CYB5RL: variants seen among roughly 807,000 people sequenced by gnomAD.
CYB5RL encodes NADH-cytochrome b5 reductase-like.
A neutral mutation model predicts 37.5 loss-of-function variants in CYB5RL; 38 were observed. The ratio of observed to expected loss-of-function variants is 1.01; its 90% CI spans 0.78 to 1.33. The LOEUF (loss-of-function observed/expected upper bound fraction) is 1.33, where lower values mean the gene tolerates loss of function less well. CYB5RL is among the 40% of genes most tolerant of loss of function. CYB5RL has a pLI of 0.00. For missense variants in CYB5RL, 388 were observed against 394.4 expected (o/e 0.98, Z 0.14); for synonymous variants, 141 against 151.9 (o/e 0.93, Z 0.53).
chr1:54,174,644 G>A lies in CYB5RL; in HGVS notation c.923C>T (p.Thr308Ile). The A allele has an allele frequency of 6.2e-7, 1 of 1,611,710 alleles. No homozygotes were observed. The change falls in exon 8 of 8, where the codon ACT becomes ATT. Residue 308 changes from threonine (T) to isoleucine (I), a missense_variant. Coordinates refer to ENST00000534324, the MANE Select transcript of CYB5RL (RefSeq NM_001031672.4). ...CTAGAAGAGGAAATAGGAGTCCTCA[G>A]TGAGGCCTGCGCACAGTAAGCACCT... ...IARCLLCAGL[T>I]EDSYFLF is the part of the protein sequence containing the mutation.
In CYB5RL at chr1:54,195,593, G is replaced by A. The variant is rs201932372; in HGVS notation, c.24C>T (p.Asp8=). 1.8e-4 allele frequency: 289 copies of A among 1,611,512 alleles called. No individual in the cohort carries two copies. The African/African-American group carries it at 3.4e-3, about 19-fold the overall frequency. Residue 8 remains aspartate, a synonymous_variant, in exon 3 of 8, where the codon GAC becomes GAT. Coordinates refer to ENST00000534324, the MANE Select transcript of CYB5RL (RefSeq NM_001031672.4). The stretch of plus-strand genomic sequence containing the variant: ...GCATCCAGGCTTCCTCAGTGTCGTC[G>A]TCCTCTTCCCTCTCAGCCATCATCA... MMAEREE[D]DDTEEAWMQL...
chr1:54,181,529 G>T (rs1364472633), intron 6 of CYB5RL, among the ~76,000 whole-genome samples: 1 of 152,264 alleles, frequency 6.6e-6, no homozygotes, highest in Non-Finnish European at 1.5e-5. Flanking sequence ...GGGCCCGGAA[G>T]AGGGCAGGAG....
At chr1:54,194,000 T>G (rs4927067) in intron 3 of CYB5RL, among the ~76,000 whole-genome samples, 148,278 of 148,712 alleles carry the variant, frequency 1, 73,924 homozygotes, top group Middle Eastern at 1. Context: ...GTGAGACTCT[T>G]CCTCAATAAT....
intron 5 of CYB5RL, among the ~76,000 whole-genome samples, chr1:54,186,441 T>C (rs1176171265): frequency 6.6e-6 from 1 of 152,224 alleles, no homozygotes; most frequent in Non-Finnish European, 1.5e-5. Context: ...GGTCAAACGA[T>C]AAGCCCTGCC....
In CYB5RL at chr1:54,170,008, C is replaced by T. The variant is rs1659854110; in HGVS notation, c.*4611G>A. ...TCACTTAGTTATTATGTTTTTAGGACTTCGTCTATATTGGTACATGCGGAT... is the reference window on the plus strand; with the variant it reads ...TCACTTAGTTATTATGTTTTTAGGATTTCGTCTATATTGGTACATGCGGAT... On this transcript the variant is annotated 3_prime_UTR_variant, in exon 8 of 8. Coordinates refer to ENST00000534324, the MANE Select transcript of CYB5RL (RefSeq NM_001031672.4). 6.6e-6 allele frequency: 1 copy of T among 152,046 alleles called. No individual in the cohort carries two copies. 9.4% of individuals were successfully genotyped at this position (152,046 alleles called of 1,614,324 possible).
intron 1 of CYB5RL, among the ~76,000 whole-genome samples, chr1:54,196,830 CAGA>C (rs1644011617): frequency 6.6e-6 from 1 of 152,130 alleles, no homozygotes; most frequent in Non-Finnish European, 1.5e-5. Context: ...TCACAGGAAA[CAGA>C]AGAAGGTTGT....
intron 1 of CYB5RL, among the ~76,000 whole-genome samples, chr1:54,196,991 T>C (rs1570125940): frequency 6.6e-6 from 1 of 151,910 alleles, no homozygotes; most frequent in African/African-American, 2.4e-5. Context: ...GACAGAGGGG[T>C]AGAAGGGACA....
intron 5 of CYB5RL, 109 bp downstream of exon 5, chr1:54,187,543 A>G (rs1643911786): frequency 9.5e-7 from 1 of 1,056,840 alleles, no homozygotes; most frequent in Admixed American, 2.1e-5. Context: ...GCCTTTGTCC[A>G]TGTTGTTCCC....
intron 7 of CYB5RL, among the ~76,000 whole-genome samples, chr1:54,175,206 C>A (rs995865854): frequency 6.6e-6 from 1 of 152,238 alleles, no homozygotes; most frequent in African/African-American, 2.4e-5. Context: ...CTATCATCAT[C>A]ACCCTCGGAG....
intron 7 of CYB5RL, among the ~76,000 whole-genome samples, chr1:54,176,935 G>T (rs72908049): frequency 0.014 from 2,119 of 152,302 alleles, 52 homozygotes; most frequent in African/African-American, 0.048. Context: ...TACAGAGGTG[G>T]GAGGTGAGGA....
Position 54,179,300 on chromosome 1 carries a change from G to C in CYB5RL, c.593C>G (p.Pro198Arg). ...AAGTGLAPMV[P>R]ILQSITDNEN... is the part of the protein sequence containing the mutation. Reference sequence around the variant, plus strand: ...ATTGTCTGTGATGCTCTGCAGGATAGGCACCATGGGGGCCAGGCCCGTGCC... The same window carrying C: ...ATTGTCTGTGATGCTCTGCAGGATACGCACCATGGGGGCCAGGCCCGTGCC... Residue 198 changes from proline (P) to arginine (R), a missense_variant, in exon 7 of 8, where the codon CCT (proline) becomes CGT (arginine). By Grantham distance (103) the Pro-to-Arg change is moderately radical. Coordinates refer to ENST00000534324, the MANE Select transcript of CYB5RL (RefSeq NM_001031672.4). 4 of 1,613,806 alleles carry C rather than the reference G, an allele frequency of 2.5e-6. No individual in the cohort carries two copies. Among genetic ancestry groups the C allele is most frequent in the Non-Finnish European group, 3.4e-6 (4 of 1,179,844 alleles).
chr1:54,185,679 T>A (rs775904577), intron 5 of CYB5RL: 1 of 152,238 alleles, frequency 6.6e-6, no homozygotes, highest in Non-Finnish European at 1.5e-5. Flanking sequence ...TGCTGGAGGC[T>A]GTCTCCATGC....
At chr1:54,183,831 C>T (rs981809658) in intron 6 of CYB5RL, among the ~76,000 whole-genome samples, 2 of 152,058 alleles carry the variant, frequency 1.3e-5, no homozygotes, top group South Asian at 2.1e-4. Flanking sequence ...CAAAATTAGC[C>T]GGGTGTGGTG....
intron 5 of CYB5RL, 77 bp from the exon 6 acceptor site, chr1:54,184,342 A>T (rs1660239678): frequency 8.1e-7 from 1 of 1,238,452 alleles, no homozygotes; most frequent in Non-Finnish European, 1.2e-6. Context: ...ATTAATGTGG[A>T]GCCCGTTCTG....
chr1:54,198,895 CAA>C (rs1644045166), intron 1 of CYB5RL, among the ~76,000 whole-genome samples: 1 of 152,098 alleles, frequency 6.6e-6, no homozygotes, highest in Admixed American at 6.6e-5. Context: ...CTAGGTCTCC[CAA>C]AGTGTTGGGA....
At chr1:54,176,409 T>C (rs1294348643) in intron 7 of CYB5RL, among the ~76,000 whole-genome samples, 1 of 152,196 alleles carries the variant, frequency 6.6e-6, no homozygotes, top group Non-Finnish European at 1.5e-5. Context: ...TATGTGCCTA[T>C]AGTCCCAGTT....
chr1:54,181,375 C>T (rs1660156840), intron 6 of CYB5RL, among the ~76,000 whole-genome samples: 3 of 152,252 alleles, frequency 2.0e-5, no homozygotes, highest in Non-Finnish European at 4.4e-5. Flanking sequence ...TCTGACCCAT[C>T]TCTAGGTCCC....
intron 4 of CYB5RL, among the ~76,000 whole-genome samples, chr1:54,189,347 GA>G (rs1643930035): frequency 6.6e-6 from 1 of 152,162 alleles, no homozygotes; most frequent in African/African-American, 2.4e-5. Context: ...GGGAGCCTAG[GA>G]AACCTCCTGG....
chr1:54,194,386 GGAAAA>G (rs983493030), intron 3 of CYB5RL, among the ~76,000 whole-genome samples: 5 of 151,674 alleles, frequency 3.3e-5, no homozygotes, highest in African/African-American at 9.7e-5. Context: ...AAAAAAGAAA[GGAAAA>G]GAAAAGATAA....
Sources: gnomAD v4.1 joint callset for allele counts (sites outside exome capture counted in the v4.1 genomes callset) on GRCh38, gnomAD v4.1.1 for gene constraint, MANE v1.5 for transcripts, NCBI Gene and HGNC (gene_info 2026-07-23, HGNC 2026-07-21) for gene names.